The following ADGRL3 variants were observed in gnomAD, a reference collection of about 807,000 sequenced individuals.
ADGRL3 encodes the protein adhesion G protein-coupled receptor L3, also known as calcium-independent alpha-latrotoxin receptor 3.
A neutral mutation model predicts 153.5 loss-of-function variants in ADGRL3; 62 were observed. The ratio of observed to expected loss-of-function variants is 0.40; its 90% confidence interval spans 0.33 to 0.50. The LOEUF is 0.50. Among genes scored for constraint, ADGRL3 ranks in the 20% least tolerant of loss-of-function variants. The pLI is 0.47. For missense variants in ADGRL3, 1,641 were observed against 1,859.4 expected (o/e 0.88, Z 2.16); for synonymous variants, 710 against 672.5 (o/e 1.06, Z -0.86).
chr4:61,276,421 A>G (rs1206202838), intron 1 of ADGRL3, among the ~76,000 whole-genome samples: 1 of 152,198 alleles, frequency 6.6e-6, no homozygotes, highest in Non-Finnish European at 1.5e-5. Context: ...AAGGAACAGC[A>G]TTCAATTCTG....
chr4:61,876,288 G>GTT (rs1008381525), intron 9 of ADGRL3, among the ~76,000 whole-genome samples: 2 of 13,462 alleles, frequency 1.5e-4, no homozygotes, highest in African/African-American at 3.0e-4. Context: ...ATCCAATTTT[G>GTT]TTTTTTTTTT....
chr4:61,456,063 G>T (rs535173697), intron 2 of ADGRL3, among the ~76,000 whole-genome samples: 1 of 151,630 alleles, frequency 6.6e-6, no homozygotes, highest in African/African-American at 2.4e-5. Context: ...TTATCCACCC[G>T]CCTTGATCTC....
intron 4 of ADGRL3, among the ~76,000 whole-genome samples, chr4:61,561,346 T>C (rs2098794209): frequency 6.6e-6 from 1 of 152,180 alleles, no homozygotes; most frequent in Admixed American, 6.5e-5. Context: ...GATAGACATT[T>C]TATTGATCAA....
At chr4:61,769,168 T>G (rs2097049332) in intron 8 of ADGRL3, among the ~76,000 whole-genome samples, 1 of 151,964 alleles carries the variant, frequency 6.6e-6, no homozygotes. Flanking sequence ...CAGAGAGGCG[T>G]CCCTGCAATG....
intron 6 of ADGRL3, among the ~76,000 whole-genome samples, chr4:61,711,540 A>T (rs2095992305): frequency 6.9e-6 from 1 of 144,128 alleles, no homozygotes; most frequent in South Asian, 2.2e-4. Flanking sequence ...AACTGTTAAA[A>T]GAAAAACTTC....
intron 21 of ADGRL3, among the ~76,000 whole-genome samples, chr4:62,007,383 T>TACATACAC (rs1553908627): frequency 3.3e-5 from 1 of 30,768 alleles, no homozygotes; most frequent in Middle Eastern, 0.042. Flanking sequence ...TATATATATA[T>TACATACAC]ACACACACAC....
At chr4:61,592,978 T>C (rs1560900181) in intron 5 of ADGRL3, among the ~76,000 whole-genome samples, 1 of 152,134 alleles carries the variant, frequency 6.6e-6, no homozygotes, top group Non-Finnish European at 1.5e-5. Flanking sequence ...TATGCTTTAA[T>C]TTCTTGCTTT....
chr4:61,213,754 T>C (rs1372628650), intron 1 of ADGRL3, among the ~76,000 whole-genome samples: 2 of 152,198 alleles, frequency 1.3e-5, no homozygotes, highest in Middle Eastern at 3.2e-3. Flanking sequence ...CATACTATGA[T>C]TTATTTAAAC....
chr4:61,608,403 C>T (rs1465030510), intron 5 of ADGRL3, among the ~76,000 whole-genome samples: 1 of 152,176 alleles, frequency 6.6e-6, no homozygotes, highest in African/African-American at 2.4e-5. Flanking sequence ...CAAAAACCCT[C>T]TTACAGTTGA....
intron 9 of ADGRL3, among the ~76,000 whole-genome samples, chr4:61,838,586 A>G (rs2097973298): frequency 6.6e-6 from 1 of 152,182 alleles, no homozygotes; most frequent in African/African-American, 2.4e-5. Context: ...ATAAAGATGT[A>G]CATGTCTAAT....
chr4:61,358,275 G>T (rs2096214725), intron 1 of ADGRL3, among the ~76,000 whole-genome samples: 1 of 152,102 alleles, frequency 6.6e-6, no homozygotes, highest in Non-Finnish European at 1.5e-5. Context: ...TTTCTGCTCA[G>T]AATCTTACAG....
At chr4:62,063,200 C>T (rs961936442) in intron 25 of ADGRL3, among the ~76,000 whole-genome samples, 33 of 151,606 alleles carry the variant, frequency 2.2e-4, no homozygotes, top group African/African-American at 7.3e-4. Flanking sequence ...CTTTTTTTCA[C>T]TTTAATTTTA....
At chr4:62,008,479 CCTAT>C (rs1366973261) in intron 21 of ADGRL3, among the ~76,000 whole-genome samples, 5 of 151,988 alleles carry the variant, frequency 3.3e-5, no homozygotes, top group African/African-American at 1.2e-4. Context: ...GACCGGCTAA[CCTAT>C]TGACCAGTAG....
At chr4:61,912,863 A>G in intron 13 of ADGRL3, 106 bp downstream of exon 13, 1 of 1,082,856 alleles carries the variant, frequency 9.2e-7, no homozygotes, top group Non-Finnish European at 1.4e-6. Flanking sequence ...ACTGAAATAA[A>G]GGAATTTCAT....
intron 4 of ADGRL3, among the ~76,000 whole-genome samples, chr4:61,524,954 C>T (rs758121418): frequency 7.2e-5 from 11 of 152,080 alleles, no homozygotes; most frequent in Non-Finnish European, 8.8e-5. Flanking sequence ...TGATTATAAA[C>T]GTTTGGGAGA....
chr4:61,380,664 C>T (rs555302609), intron 1 of ADGRL3, among the ~76,000 whole-genome samples: 2 of 152,008 alleles, frequency 1.3e-5, no homozygotes, highest in East Asian at 1.9e-4. Context: ...TGGTGCATTG[C>T]TTTTTATGTC....
intron 1 of ADGRL3, among the ~76,000 whole-genome samples, chr4:61,313,941 A>G (rs1237344540): frequency 6.6e-6 from 1 of 152,082 alleles, no homozygotes. Context: ...TAGACATGCC[A>G]GCTCTCCTAA....
intron 9 of ADGRL3, among the ~76,000 whole-genome samples, chr4:61,877,369 G>T (rs2098481935): frequency 6.6e-6 from 1 of 152,134 alleles, no homozygotes; most frequent in African/African-American, 2.4e-5. Context: ...ACAGTTTAGT[G>T]GTTGCCAGGA....
intron 6 of ADGRL3, among the ~76,000 whole-genome samples, chr4:61,697,768 A>G (rs2151247134): frequency 6.6e-6 from 1 of 152,246 alleles, no homozygotes; most frequent in South Asian, 2.1e-4. Context: ...TATTTTCAAG[A>G]AAACGATCAC....
Sources: allele counts gnomAD v4.1 joint callset (sites outside exome capture counted in the v4.1 genomes callset), GRCh38; gene constraint gnomAD v4.1.1; transcripts MANE v1.5; gene names NCBI Gene and HGNC (gene_info 2026-07-23, HGNC 2026-07-21).